The following CTNNA3 variants were observed in gnomAD, a reference collection of about 807,000 sequenced individuals.
CTNNA3 encodes catenin alpha-3.
Under a neutral mutation model 95.7 loss-of-function variants are expected in CTNNA3, and 76 were observed. The ratio of observed to expected loss-of-function variants is 0.79; its 90% confidence interval spans 0.66 to 0.96. The LOEUF (loss-of-function observed/expected upper bound fraction) is 0.96, where lower values mean the gene tolerates loss of function less well. Among genes scored for constraint, CTNNA3 ranks in the 40% least tolerant of loss-of-function variants. The pLI, the probability that CTNNA3 is intolerant of heterozygous loss-of-function variation, is 0.00. For synonymous variants in CTNNA3, 431 were observed against 374.4 expected, an observed-to-expected ratio of 1.15 and a Z score of -1.74; for missense variants, 1,191 against 1,089.8, an observed-to-expected ratio of 1.09 and a Z score of -1.31.
At chr10:67,208,320 A>T (rs1385596957) in intron 6 of CTNNA3, among the ~76,000 whole-genome samples, 2 of 148,706 alleles carry the variant, frequency 1.3e-5, no homozygotes, top group African/African-American at 5.0e-5. Flanking sequence ...CAGAGGTTGC[A>T]GTGAGCCGAG....
intron 15 of CTNNA3, among the ~76,000 whole-genome samples, chr10:66,057,932 A>G (rs950713739): frequency 2.0e-5 from 3 of 152,180 alleles, no homozygotes; most frequent in Non-Finnish European, 4.4e-5. Flanking sequence ...AGAATTCAGT[A>G]GTCTTATCAA....
rs374832852 is a variant in CTNNA3, at chr10:65,975,105, G to A, written c.2266-8359C>T. ...TAGCTCCAGAGTGTGTGCACAAGAT[G>A]AGAACACATTACCCTGAGTCAAAGT... On this transcript the variant is annotated intron_variant, in intron 16 of 17. Transcript: ENST00000433211. 6.4e-4 allele frequency among the ~76,000 whole-genome samples: 98 copies of A among 152,068 alleles called. 1 individual carries two copies. Among genetic ancestry groups the A allele is most frequent in the African/African-American group, 1.9e-3 (78 of 41,490 alleles).
At chr10:67,466,293 C>CA (rs1564669413) in intron 5 of CTNNA3, among the ~76,000 whole-genome samples, 1 of 152,098 alleles carries the variant, frequency 6.6e-6, no homozygotes, top group African/African-American at 2.4e-5. Flanking sequence ...AGTTGTGCCA[C>CA]AAAATTATAA....
chr10:67,649,298 A>G (rs1442667906), intron 1 of CTNNA3, among the ~76,000 whole-genome samples: 1 of 152,212 alleles, frequency 6.6e-6, no homozygotes, highest in Non-Finnish European at 1.5e-5. Flanking sequence ...TGGTTTCCAA[A>G]GCTACATGGC....
chr10:66,835,898 G>A (rs1842870035), intron 7 of CTNNA3, among the ~76,000 whole-genome samples: 1 of 152,024 alleles, frequency 6.6e-6, no homozygotes, highest in South Asian at 2.1e-4. Context: ...GCTAGCGGGT[G>A]GGGCCAGATA....
At chr10:66,313,678 C>T (rs551106774) in intron 12 of CTNNA3, among the ~76,000 whole-genome samples, 11 of 152,170 alleles carry the variant, frequency 7.2e-5, no homozygotes, top group Admixed American at 1.3e-4. Context: ...TTGTCTTTCT[C>T]TCAAGCCTTG....
At chr10:66,978,521 C>A (rs1850195362) in intron 7 of CTNNA3, among the ~76,000 whole-genome samples, 1 of 42,328 alleles carries the variant, frequency 2.4e-5, no homozygotes. Flanking sequence ...AGTGAGACTC[C>A]ATCTCAAAAA....
chr10:67,611,916 G>T (rs1346840074), intron 2 of CTNNA3, among the ~76,000 whole-genome samples: 2 of 152,052 alleles, frequency 1.3e-5, no homozygotes, highest in Non-Finnish European at 2.9e-5. Context: ...GGTTCTGAAA[G>T]AAATTAGAAG....
intron 5 of CTNNA3, among the ~76,000 whole-genome samples, chr10:67,372,709 T>G (rs983373441): frequency 6.6e-5 from 10 of 152,178 alleles, no homozygotes; most frequent in South Asian, 6.2e-4. Context: ...GGAAAAAATG[T>G]TAAGGGCAGC....
chr10:66,913,865 T>A (rs947646296), intron 7 of CTNNA3, among the ~76,000 whole-genome samples: 22 of 152,164 alleles, frequency 1.4e-4, no homozygotes, highest in African/African-American at 5.1e-4. Flanking sequence ...TGAAGTATAC[T>A]AGGCATAGCA....
At chr10:66,659,989 T>C (rs1846205965) in intron 9 of CTNNA3, among the ~76,000 whole-genome samples, 1 of 152,062 alleles carries the variant, frequency 6.6e-6, no homozygotes, top group African/African-American at 2.4e-5. Flanking sequence ...ATTCCTGGGT[T>C]TTTTTTCTTT....
chr10:66,012,744 C>T (rs527699750), intron 15 of CTNNA3, among the ~76,000 whole-genome samples: 46 of 152,258 alleles, frequency 3.0e-4, no homozygotes, highest in Non-Finnish European at 5.6e-4. Context: ...TGTCTAATTT[C>T]GCACTGCATA....
At chr10:66,065,233 TTTTTTTGTTTTG>T (rs1158358286) in intron 15 of CTNNA3, among the ~76,000 whole-genome samples, 2 of 107,232 alleles carry the variant, frequency 1.9e-5, no homozygotes, top group South Asian at 2.7e-4. Context: ...TTAAATGGTT[TTTTTTTGTTTTG>T]TTTTGTTTTG....
chr10:66,814,266 G>GAAAA (rs71035182), intron 7 of CTNNA3, among the ~76,000 whole-genome samples: 1 of 137,094 alleles, frequency 7.3e-6, no homozygotes, highest in Non-Finnish European at 1.6e-5. Flanking sequence ...AAGGAGGAAA[G>GAAAA]AAAAAAAAAA....
intron 9 of CTNNA3, among the ~76,000 whole-genome samples, chr10:66,750,406 A>T (rs1839084871): frequency 6.6e-6 from 1 of 152,060 alleles, no homozygotes. Context: ...GGTGCTGGGG[A>T]TGTGTAAAGA....
rs896299627 is a variant in CTNNA3, at chr10:67,144,292, G to A, written c.1047+36025C>T. Among the ~76,000 whole-genome samples the A allele has an allele frequency of 1.8e-4, 27 of 152,112 alleles. 1 individual carries two copies. The highest frequency in any genetic ancestry group is 5.8e-4 in the African/African-American group (24 of 41,408). On this transcript the variant is annotated intron_variant, in intron 7 of 17. Coordinates refer to ENST00000433211, the MANE Select transcript of CTNNA3 (RefSeq NM_013266.4). ...CAGTGTGGGTTTAGCATAATTCAAG[G>A]GCCCCAGAATTTTCAGAAGAGTTAA...
chr10:67,702,848 G>C (rs1841052048), intron 1 of CTNNA3, among the ~76,000 whole-genome samples: 1 of 151,860 alleles, frequency 6.6e-6, no homozygotes, highest in South Asian at 2.1e-4. Flanking sequence ...CTGGTTTTTT[G>C]AAAAGATCAA....
At chr10:67,703,233 T>G (rs1180442693) in intron 1 of CTNNA3, among the ~76,000 whole-genome samples, 1 of 152,096 alleles carries the variant, frequency 6.6e-6, no homozygotes, top group Non-Finnish European at 1.5e-5. Flanking sequence ...CTGAAACTAT[T>G]CCAATAAATA....
At chr10:66,218,391 ATCTC>A (rs143916794) in intron 13 of CTNNA3, among the ~76,000 whole-genome samples, 1 of 151,548 alleles carries the variant, frequency 6.6e-6, no homozygotes, top group East Asian at 1.9e-4. Flanking sequence ...CTGTGGTTTC[ATCTC>A]TCTCTCTCTC....
Sources: gnomAD v4.1 joint callset for allele counts (sites outside exome capture counted in the v4.1 genomes callset) on GRCh38, gnomAD v4.1.1 for gene constraint, MANE v1.5 for transcripts, NCBI Gene and HGNC (gene_info 2026-07-23, HGNC 2026-07-21) for gene names.